Variants in BCAR1 observed in about 807,000 individuals in gnomAD.
The protein encoded by BCAR1 is breast cancer anti-estrogen resistance protein 1.
In BCAR1, 30 loss-of-function variants were observed where a neutral mutation model predicts 67.6. That is an observed-to-expected ratio of 0.44 (90% CI 0.33 to 0.60). The LOEUF (loss-of-function observed/expected upper bound fraction) is 0.60. Among genes scored for constraint, BCAR1 ranks in the 20% least tolerant of loss-of-function variants. BCAR1 has a pLI of 0.02. For synonymous variants in BCAR1, 626 were observed against 556.7 expected (o/e 1.12, Z -1.75); for missense variants, 1,313 against 1,222.3 (o/e 1.07, Z -1.11).
Position 75,234,881 on chromosome 16 carries a change from G to A in BCAR1, c.2010+8C>T, listed in dbSNP as rs748162108. ...AAGAGGAGCCGGGGCTGGGCAGGCG[G>A]CACCCACCTGTAGGTGGACGTAGTC... On this transcript the variant is annotated splice_region_variant and intron_variant, in intron 5 of 6. Coordinates refer to ENST00000162330, the MANE Select transcript of BCAR1 (RefSeq NM_014567.5). 2 of 1,523,786 alleles carry A rather than the reference G, an allele frequency of 1.3e-6. No individual in the cohort carries two copies. 94.4% of individuals were successfully genotyped at this position (1,523,786 alleles called of 1,614,324 possible). A position where few individuals can be genotyped will look rare whatever the true frequency, so the allele number is the denominator to read the frequency against.
upstream of BCAR1, among the ~76,000 whole-genome samples, chr16:75,253,243 T>C (rs2077713246): frequency 6.6e-6 from 1 of 152,200 alleles, no homozygotes; most frequent in Non-Finnish European, 1.5e-5. Flanking sequence ...CTCCTCAGCC[T>C]GGCTGGCACA....
chr16:75,244,284 T>TCC (rs964078439), intron 1 of BCAR1, among the ~76,000 whole-genome samples: 1 of 152,176 alleles, frequency 6.6e-6, no homozygotes, highest in Non-Finnish European at 1.5e-5. Context: ...TGTGTGACCA[T>TCC]CCCCACTTGG....
intron 5 of BCAR1, among the ~76,000 whole-genome samples, chr16:75,234,645 C>A (rs1426181752): frequency 6.6e-6 from 1 of 152,240 alleles, no homozygotes; most frequent in African/African-American, 2.4e-5. Flanking sequence ...GATCTGTCTC[C>A]CCACACAGAA....
chr16:75,265,851 C>G (rs1191204100), intron 1 of BCAR1: 1 of 1,176,628 alleles, frequency 8.5e-7, no homozygotes. Context: ...GCCGCCGCCC[C>G]CGGGGCCTGG....
chr16:75,236,240 C>T (rs1173482082), intron 4 of BCAR1: 1 of 542,718 alleles, frequency 1.8e-6, no homozygotes, highest in Non-Finnish European at 3.2e-6. Flanking sequence ...GACGAGCCGG[C>T]TCTGGAGCCA....
intron 2 of BCAR1, among the ~76,000 whole-genome samples, chr16:75,240,861 A>G (rs1023359914): frequency 9.2e-5 from 14 of 152,212 alleles, no homozygotes; most frequent in African/African-American, 3.4e-4. Flanking sequence ...CCCCTGATGC[A>G]ATTGAGAGCA....
Position 75,235,868 on chromosome 16 carries a change from G to C in BCAR1, c.1031C>G (p.Thr344Ser). The C allele has an allele frequency of 1.9e-6, 3 of 1,564,082 alleles. No homozygotes were observed. The South Asian group carries it at 3.5e-5, about 18-fold the overall frequency. The change falls in exon 5 of 7, where the codon ACC (threonine) becomes AGC (serine). Residue 344 changes from threonine (T) to serine (S), a missense_variant. Thr to Ser is a moderately conservative substitution (Grantham distance 58). Transcript: ENST00000162330. ...AKAKPFDPAR[T>S]PLVLAAPPPD... ...AGGGGGCGCAGCCAGTACCAGTGGG[G>C]TGCGGGCCGGGTCAAAGGGCTTGGC...
At chr16:75,251,346 C>A in intron 1 of BCAR1, 125 bp downstream of exon 1, 1 of 1,330,320 alleles carries the variant, frequency 7.5e-7, no homozygotes, top group Non-Finnish European at 9.9e-7. Context: ...ATCCCAGGGC[C>A]GCGGACCCCG....
At chr16:75,243,847 A>G (rs1249523670) in intron 1 of BCAR1, among the ~76,000 whole-genome samples, 1 of 152,220 alleles carries the variant, frequency 6.6e-6, no homozygotes, top group Non-Finnish European at 1.5e-5. Context: ...GAGGCCTCGC[A>G]GTTTCCCACC....
chr16:75,250,905 C>A (rs2077661269), intron 1 of BCAR1: 2 of 985,588 alleles, frequency 2.0e-6, no homozygotes. Flanking sequence ...CCCACTCCCG[C>A]TCCGCTCCCG....
chr16:75,259,623 C>T (rs1018021212), intron 1 of BCAR1, among the ~76,000 whole-genome samples: 6 of 152,082 alleles, frequency 3.9e-5, no homozygotes, highest in South Asian at 2.1e-4. Flanking sequence ...GAGGCGAAAG[C>T]GGGCGGATCA....
chr16:75,252,435 G>A (rs1567619372), upstream of BCAR1: 7 of 1,438,216 alleles, frequency 4.9e-6, no homozygotes, highest in African/African-American at 1.4e-5. Flanking sequence ...AGAATCACTC[G>A]GGGGAAACCG....
At chr16:75,239,432 T>A (rs11644597) in intron 2 of BCAR1, among the ~76,000 whole-genome samples, 21 of 152,272 alleles carry the variant, frequency 1.4e-4, no homozygotes, top group Non-Finnish European at 2.6e-4. Context: ...CCTCCCCTAC[T>A]ATCAGGCATC....
At chr16:75,259,244 G>A (rs949627105) in intron 1 of BCAR1, among the ~76,000 whole-genome samples, 1 of 152,218 alleles carries the variant, frequency 6.6e-6, no homozygotes, top group African/African-American at 2.4e-5. Context: ...CAGATCTCTA[G>A]GCATGCCTCA....
At chr16:75,240,936 T>G (rs923683869) in intron 2 of BCAR1, among the ~76,000 whole-genome samples, 1 of 152,184 alleles carries the variant, frequency 6.6e-6, no homozygotes. Flanking sequence ...GGGCTCTGTC[T>G]GGGGGTCTCG....
chr16:75,233,725 C>T lies in BCAR1; in HGVS notation c.2100+121G>A, dbSNP rs558049712. On this transcript the variant is annotated intron_variant, in intron 6 of 6. Coordinates refer to ENST00000162330, the MANE Select transcript of BCAR1 (RefSeq NM_014567.5). ...CAGGGGGGTGGCAGGCCGGGCCCAG[C>T]TCTGAGCACTGTCAGACAACATGAG... 2.9e-6 allele frequency: 3 copies of T among 1,025,442 alleles called. No homozygotes were observed. In the Admixed American group the frequency reaches 7.7e-5, roughly 26 times the overall value. The allele number at this position is 1,025,442 out of a possible 1,614,324, so 63.5% of individuals were successfully genotyped here. A position where few individuals can be genotyped will look rare whatever the true frequency, so the allele number is the denominator to read the frequency against.
At chr16:75,255,191 G>A (rs145097382), upstream of BCAR1, among the ~76,000 whole-genome samples, 1 of 152,320 alleles carries the variant, frequency 6.6e-6, no homozygotes, top group East Asian at 1.9e-4. Context: ...AAAAGAGCAG[G>A]CTAAAACCAG....
intron 2 of BCAR1, 116 bp from the exon 3 acceptor site, chr16:75,237,460 G>A: frequency 1.6e-6 from 2 of 1,269,850 alleles, no homozygotes; most frequent in South Asian, 1.9e-5. Flanking sequence ...AGGTGGAAGG[G>A]ACGGGGCTCC....
At position 75,237,570 on chromosome 16, in the gene BCAR1, C is replaced by T. The variant is rs2077185473; in HGVS notation, c.634-226G>A. ...GAACTCTGGGTTTTATTCAGAGCTG[C>T]CTCGTCCTGGGCCAGGACACCAACG... On this transcript the variant is annotated intron_variant, in intron 2 of 6. Transcript: ENST00000162330. 7 of 528,356 alleles carry T rather than the reference C, an allele frequency of 1.3e-5. No individual in the cohort carries two copies. The South Asian group carries it at 2.4e-4, about 18-fold the overall frequency. The allele number at this position is 528,356 out of a possible 1,614,324, so 32.7% of individuals were successfully genotyped here.
Sources: allele counts gnomAD v4.1 joint callset (sites outside exome capture counted in the v4.1 genomes callset), GRCh38; gene constraint gnomAD v4.1.1; transcripts MANE v1.5; gene names NCBI Gene and HGNC (gene_info 2026-07-23, HGNC 2026-07-21).